The following DLG2 variants were observed in gnomAD, a reference collection of about 807,000 sequenced individuals.
DLG2 encodes discs large MAGUK scaffold protein 2, also known as disks large homolog 2.
DLG2 carries 45 observed loss-of-function variants against 132.5 expected under a neutral mutation model. The observed-to-expected ratio is 0.34, with a 90% CI of 0.27 to 0.44. The LOEUF is 0.44. DLG2 is among the 20% of genes least tolerant of loss of function. DLG2 has a pLI of 1.00. For missense variants in DLG2, 1,045 were observed against 1,196.9 expected (o/e 0.87, Z 1.87); for synonymous variants, 424 against 419.6 (o/e 1.01, Z -0.13).
intron 6 of DLG2, among the ~76,000 whole-genome samples, chr11:84,844,065 T>TTGTGTGTG (rs769383482): frequency 8.7e-6 from 1 of 115,158 alleles, no homozygotes; most frequent in Non-Finnish European, 1.8e-5. Context: ...ATATATATGT[T>TTGTGTGTG]TGTGTGTGTG....
intron 21 of DLG2, among the ~76,000 whole-genome samples, chr11:83,522,433 C>G (rs2095504699): frequency 1.3e-5 from 2 of 151,964 alleles, no homozygotes; most frequent in Non-Finnish European, 2.9e-5. Context: ...AACTCAAAAC[C>G]TATTTATTGA....
At chr11:85,142,166 A>G (rs1201271807) in intron 5 of DLG2, among the ~76,000 whole-genome samples, 1 of 151,856 alleles carries the variant, frequency 6.6e-6, no homozygotes, top group Non-Finnish European at 1.5e-5. Flanking sequence ...CACTTTAACA[A>G]TATTGATTTC....
chr11:85,171,765 A>G (rs1394856058), intron 4 of DLG2, among the ~76,000 whole-genome samples: 1 of 152,172 alleles, frequency 6.6e-6, no homozygotes, highest in African/African-American at 2.4e-5. Flanking sequence ...AGAGTGGGCC[A>G]TTCTACCCTG....
chr11:84,365,122 G>A (rs2098674009), intron 7 of DLG2, among the ~76,000 whole-genome samples: 1 of 152,036 alleles, frequency 6.6e-6, no homozygotes, highest in African/African-American at 2.4e-5. Context: ...GTAGAATTCG[G>A]CTGTGAATCC....
At chr11:84,411,814 A>G (rs1409720119) in intron 7 of DLG2, among the ~76,000 whole-genome samples, 1 of 152,180 alleles carries the variant, frequency 6.6e-6, no homozygotes, top group Non-Finnish European at 1.5e-5. Flanking sequence ...TCCTTTACTT[A>G]AGCTTACAAA....
intron 4 of DLG2, among the ~76,000 whole-genome samples, chr11:85,282,913 G>A (rs2078323366): frequency 6.6e-6 from 1 of 151,812 alleles, no homozygotes. Flanking sequence ...GCCATAAAAA[G>A]GAACGAGATC....
chr11:85,321,577 A>C (rs2081070585), intron 3 of DLG2, among the ~76,000 whole-genome samples: 1 of 152,060 alleles, frequency 6.6e-6, no homozygotes, highest in African/African-American at 2.4e-5. Context: ...GGAACATTTC[A>C]ATATTTAGAG....
At chr11:84,715,315 G>C (rs1280285133) in intron 6 of DLG2, among the ~76,000 whole-genome samples, 3 of 151,936 alleles carry the variant, frequency 2.0e-5, no homozygotes, top group Admixed American at 1.3e-4. Context: ...TAGTGAAATG[G>C]TTACTACAGC....
intron 21 of DLG2, among the ~76,000 whole-genome samples, chr11:83,506,833 A>G (rs1035505231): frequency 1.3e-5 from 2 of 152,328 alleles, no homozygotes; most frequent in East Asian, 3.9e-4. Context: ...CTTTAACCAT[A>G]GACATCTGAT....
chr11:84,007,871 A>T (rs145357242), intron 11 of DLG2, among the ~76,000 whole-genome samples: 225 of 151,904 alleles, frequency 1.5e-3, no homozygotes, highest in African/African-American at 4.6e-3. Context: ...AGTGAGAATT[A>T]ATTATGATAA....
rs150537228 is a variant in DLG2, at chr11:83,635,301, C to T, written c.1826-1976G>A. Among the ~76,000 whole-genome samples, 365 of 152,220 alleles carry T rather than the reference C, an allele frequency of 2.4e-3. 1 individual carries two copies. Among genetic ancestry groups the T allele is most frequent in the African/African-American group, 8.3e-3 (343 of 41,544 alleles). ...GTATGCAGATTTAAATCATTTTGAG[C>T]AAGTCGTATTTTCTTGCCACCTTGG... is the stretch of plus-strand genomic sequence containing the variant. On this transcript the variant is annotated intron_variant, in intron 18 of 27. Coordinates refer to ENST00000376104, the MANE Select transcript of DLG2 (RefSeq NM_001142699.3).
chr11:84,650,102 T>C (rs2099679746), intron 6 of DLG2, among the ~76,000 whole-genome samples: 1 of 152,240 alleles, frequency 6.6e-6, no homozygotes, highest in African/African-American at 2.4e-5. Flanking sequence ...ATGTACCCCA[T>C]GAGCTGAAAA....
chr11:85,035,222 G>A (rs1194069582), intron 6 of DLG2, among the ~76,000 whole-genome samples: 1 of 152,164 alleles, frequency 6.6e-6, no homozygotes, highest in East Asian at 1.9e-4. Flanking sequence ...TCTTACAAAT[G>A]TGTTCAGATT....
At chr11:83,628,612 G>C (rs1426840137) in intron 19 of DLG2, among the ~76,000 whole-genome samples, 1 of 152,130 alleles carries the variant, frequency 6.6e-6, no homozygotes, top group South Asian at 2.1e-4. Context: ...ATAGAATAAT[G>C]GTTGACCCAT....
At chr11:85,198,949 T>G (rs752255705) in intron 4 of DLG2, among the ~76,000 whole-genome samples, 1 of 152,156 alleles carries the variant, frequency 6.6e-6, no homozygotes, top group Non-Finnish European at 1.5e-5. Context: ...CCCAGTTATC[T>G]TCAAGTTTCA....
intron 6 of DLG2, among the ~76,000 whole-genome samples, chr11:85,049,312 A>T (rs1431609953): frequency 1.3e-5 from 2 of 152,020 alleles, no homozygotes; most frequent in Admixed American, 6.6e-5. Context: ...TATTTAAAAA[A>T]TTTGTATCTT....
intron 7 of DLG2, among the ~76,000 whole-genome samples, chr11:84,517,415 T>C (rs2099277138): frequency 6.6e-6 from 1 of 151,744 alleles, no homozygotes; most frequent in South Asian, 2.1e-4. Context: ...TCACTAATCA[T>C]CAGGGAAATG....
intron 3 of DLG2, among the ~76,000 whole-genome samples, chr11:85,293,587 C>T (rs1205407004): frequency 2.0e-5 from 3 of 152,082 alleles, no homozygotes; most frequent in African/African-American, 7.2e-5. Context: ...CGTTCTACTA[C>T]ATACTTGACT....
At chr11:83,984,188 T>C (rs951193589) in intron 11 of DLG2, among the ~76,000 whole-genome samples, 5 of 118,342 alleles carry the variant, frequency 4.2e-5, no homozygotes, top group Admixed American at 9.8e-5. Flanking sequence ...TGTAGATAGA[T>C]AGATGATAGA....
Sources: allele counts gnomAD v4.1 joint callset (sites outside exome capture counted in the v4.1 genomes callset), GRCh38; gene constraint gnomAD v4.1.1; transcripts MANE v1.5; gene names NCBI Gene and HGNC (gene_info 2026-07-23, HGNC 2026-07-21).